Variants in LYN observed in about 807,000 individuals in gnomAD.
LYN encodes LYN proto-oncogene, Src family tyrosine kinase.
In LYN, 12 loss-of-function variants were observed where a neutral mutation model predicts 65.0. The observed-to-expected ratio is 0.18, with a 90% CI of 0.12 to 0.30. The LOEUF is 0.30. Among genes scored for constraint, LYN ranks in the 10% least tolerant of loss-of-function variants. The pLI is 1.00. For missense variants in LYN, 380 were observed against 623.2 expected (o/e 0.61, Z 4.16); for synonymous variants, 222 against 221.2 (o/e 1.00, Z -0.03).
intron 10 of LYN, among the ~76,000 whole-genome samples, chr8:55,993,130 T>G (rs1297456845): frequency 6.6e-6 from 1 of 152,262 alleles, no homozygotes. Context: ...TCCTCATGTT[T>G]AATTTCTCCT....
intron 10 of LYN, among the ~76,000 whole-genome samples, chr8:55,975,210 G>C (rs183873878): frequency 1.3e-5 from 2 of 152,300 alleles, no homozygotes; most frequent in Non-Finnish European, 1.5e-5. Context: ...AGCTTTCTCA[G>C]TATACAAATG....
intron 10 of LYN, among the ~76,000 whole-genome samples, chr8:55,978,841 G>A (rs568095929): frequency 3.3e-5 from 5 of 152,222 alleles, no homozygotes; most frequent in African/African-American, 1.2e-4. Context: ...TGGAAGCCAA[G>A]CCCTTGGCCT....
chr8:55,889,704 C>A (rs1407277654), intron 1 of LYN, among the ~76,000 whole-genome samples: 2 of 152,108 alleles, frequency 1.3e-5, no homozygotes, highest in Non-Finnish European at 2.9e-5. Context: ...CCCTGGCACC[C>A]AAATGAGTGC....
intron 1 of LYN, among the ~76,000 whole-genome samples, chr8:55,891,195 A>G (rs984389217): frequency 6.6e-6 from 1 of 152,096 alleles, no homozygotes; most frequent in Non-Finnish European, 1.5e-5. Context: ...TCTACTAAAA[A>G]TACAAAATTA....
intron 10 of LYN, among the ~76,000 whole-genome samples, chr8:55,974,098 C>T (rs10112370): frequency 0.22 from 32,982 of 152,118 alleles, 3,671 homozygotes; most frequent in Middle Eastern, 0.27. Context: ...TTACAGATAA[C>T]GAGGTAAACT....
At chr8:55,894,734 C>T (rs1438459622) in intron 1 of LYN, among the ~76,000 whole-genome samples, 3 of 152,096 alleles carry the variant, frequency 2.0e-5, no homozygotes, top group African/African-American at 7.2e-5. Flanking sequence ...GGGGTTTTGC[C>T]GTGTTGGCCA....
In LYN at chr8:56,003,307, C is replaced by T. The variant is rs183249126; in HGVS notation, c.1336+3758C>T. Among the ~76,000 whole-genome samples the T allele has an allele frequency of 1.1e-4, 16 of 152,240 alleles. No homozygotes were observed. In the East Asian group the frequency reaches 2.5e-3, roughly 24 times the overall value. On this transcript the variant is annotated intron_variant, in intron 12 of 12. Coordinates refer to ENST00000519728, the MANE Select transcript of LYN (RefSeq NM_002350.4). Reference sequence around the variant, plus strand: ...CGATCTCCTGACCTTGGGATCCTCCCGCCTTGGCCTGCCAAAGTGCTTGGA... The same window carrying T: ...CGATCTCCTGACCTTGGGATCCTCCTGCCTTGGCCTGCCAAAGTGCTTGGA...
At chr8:55,994,033 T>C (rs1414947904) in intron 10 of LYN, among the ~76,000 whole-genome samples, 1 of 152,200 alleles carries the variant, frequency 6.6e-6, no homozygotes, top group East Asian at 1.9e-4. Flanking sequence ...AAGTTGACAC[T>C]ACATTCAATC....
intron 10 of LYN, among the ~76,000 whole-genome samples, chr8:55,971,251 G>A (rs1807601672): frequency 6.6e-6 from 1 of 152,206 alleles, no homozygotes; most frequent in Admixed American, 6.5e-5. Context: ...GTCTATGCTG[G>A]CCCCTGGGAG....
chr8:55,928,558 G>T (rs1239341631), intron 1 of LYN, among the ~76,000 whole-genome samples: 2 of 152,094 alleles, frequency 1.3e-5, no homozygotes, highest in Non-Finnish European at 2.9e-5. Flanking sequence ...CAGATCTGTT[G>T]CCCATTTTAA....
chr8:55,903,236 G>A (rs369727459), intron 1 of LYN, among the ~76,000 whole-genome samples: 6 of 152,050 alleles, frequency 3.9e-5, no homozygotes, highest in South Asian at 2.1e-4. Context: ...CAAGTGATTC[G>A]CCCACCTCAG....
Position 55,992,913 on chromosome 8 carries a change from C to G in LYN, c.1051-5433C>G, listed in dbSNP as rs539252763. On this transcript the variant is annotated intron_variant, in intron 10 of 12. Transcript: ENST00000519728. The stretch of plus-strand genomic sequence containing the variant: ...TCATGACCCAATCACCTCCTAAAGG[C>G]CCCCCCTCTTAATACGATTGCATTG... Among the ~76,000 whole-genome samples the G allele has an allele frequency of 2.0e-5, 3 of 152,160 alleles. No individual in the cohort carries two copies. The South Asian group carries it at 6.2e-4, about 32-fold the overall frequency.
At chr8:55,960,232 C>T (rs886853529) in intron 8 of LYN, among the ~76,000 whole-genome samples, 2 of 152,130 alleles carry the variant, frequency 1.3e-5, no homozygotes, top group South Asian at 2.1e-4. Context: ...TCCCATGTAC[C>T]ATTTACCCAG....
At chr8:55,967,005 C>G in intron 9 of LYN, 108 bp downstream of exon 9, 3 of 1,012,786 alleles carry the variant, frequency 3.0e-6, no homozygotes, top group South Asian at 1.8e-5. Context: ...ACAGTATACC[C>G]ACTACCGAAA....
chr8:55,926,115 A>G (rs918228565), intron 1 of LYN, among the ~76,000 whole-genome samples: 1 of 152,240 alleles, frequency 6.6e-6, no homozygotes, highest in Non-Finnish European at 1.5e-5. Context: ...TTTAAAAACC[A>G]AATAACTACA....
chr8:55,889,003 G>A (rs1485320706), intron 1 of LYN, among the ~76,000 whole-genome samples: 6 of 151,846 alleles, frequency 4.0e-5, no homozygotes, highest in South Asian at 2.1e-4. Flanking sequence ...TTTCCCTCAC[G>A]TGTATTTCTT....
At chr8:55,953,330 A>C (rs1807007143) in intron 7 of LYN, among the ~76,000 whole-genome samples, 1 of 152,208 alleles carries the variant, frequency 6.6e-6, no homozygotes. Context: ...AATACAATCA[A>C]GTATGTTTTA....
At position 55,930,587 on chromosome 8, in the gene LYN, T is replaced by G. The variant is rs1806236443; in HGVS notation, c.-5-11268T>G. 2.0e-5 allele frequency among the ~76,000 whole-genome samples: 3 copies of G among 152,178 alleles called. No individual in the cohort carries two copies. The South Asian group carries it at 6.2e-4, about 32-fold the overall frequency. On this transcript the variant is annotated intron_variant, in intron 1 of 12. Coordinates refer to ENST00000519728, the MANE Select transcript of LYN (RefSeq NM_002350.4). ...ATGAGCTCATCTTGTTTTCATAGTG[T>G]TCCCTTTTATTGTTAAGAGAAACAA... is the stretch of plus-strand genomic sequence containing the variant.
intron 12 of LYN, among the ~76,000 whole-genome samples, chr8:56,005,579 C>A (rs1311900247): frequency 6.6e-6 from 1 of 152,228 alleles, no homozygotes; most frequent in Non-Finnish European, 1.5e-5. Flanking sequence ...GCACTTTCTT[C>A]CTCTTGGCTC....
Sources: gnomAD v4.1 joint callset for allele counts (sites outside exome capture counted in the v4.1 genomes callset) on GRCh38, gnomAD v4.1.1 for gene constraint, MANE v1.5 for transcripts, NCBI Gene and HGNC (gene_info 2026-07-23, HGNC 2026-07-21) for gene names.